SOHLH2: variants seen among roughly 807,000 people sequenced by gnomAD.
The protein encoded by SOHLH2 is spermatogenesis and oogenesis specific basic helix-loop-helix 2.
A neutral mutation model predicts 50.4 loss-of-function variants in SOHLH2; 22 were observed. The ratio of observed to expected loss-of-function variants is 0.44; its 90% CI spans 0.31 to 0.62. The LOEUF is 0.62. SOHLH2 is among the 20% of genes least tolerant of loss of function. The pLI is 0.08. For synonymous variants in SOHLH2, 185 were observed against 187.3 expected, an observed-to-expected ratio of 0.99 and a Z score of 0.10; for missense variants, 412 against 504.4, an observed-to-expected ratio of 0.82 and a Z score of 1.76.
chr13:36,191,680 G>C, intron 5 of SOHLH2, 115 bp downstream of exon 5: 1 of 1,194,438 alleles, frequency 8.4e-7, no homozygotes, highest in Non-Finnish European at 1.2e-6. Context: ...TGTACCCACA[G>C]TGCCAGCTCA....
chr13:36,170,428 T>C (rs1886930401), intron 10 of SOHLH2, 103 bp downstream of exon 10: 2 of 1,470,166 alleles, frequency 1.4e-6, no homozygotes, highest in East Asian at 4.9e-5. Flanking sequence ...AGCTCTTAGG[T>C]CCCAGCCTTC....
chr13:36,191,978 A>G lies in SOHLH2; in HGVS notation c.431-84T>C. ...ATCAAACACACAAGCCCCAATCCTT[A>G]ATGCAGTTGTCTTTTACTCAATAGA... On this transcript the variant is annotated intron_variant, in intron 4 of 10. Transcript: ENST00000379881. 3 of 1,400,258 alleles carry G rather than the reference A, an allele frequency of 2.1e-6. No individual in the cohort carries two copies. The Admixed American group carries it at 5.9e-5, about 27-fold the overall frequency. The allele number at this position is 1,400,258 out of a possible 1,614,324, so 86.7% of individuals were successfully genotyped here. A position where few individuals can be genotyped will look rare whatever the true frequency, so the allele number is the denominator to read the frequency against.
At chr13:36,177,748 T>A (rs952024871) in intron 6 of SOHLH2, among the ~76,000 whole-genome samples, 2 of 152,160 alleles carry the variant, frequency 1.3e-5, no homozygotes, top group Non-Finnish European at 2.9e-5. Context: ...TTTACCTACA[T>A]TTTAATTGAA....
chr13:36,210,222 C>T (rs1869030385), intron 1 of SOHLH2, among the ~76,000 whole-genome samples: 1 of 152,176 alleles, frequency 6.6e-6, no homozygotes, highest in South Asian at 2.1e-4. Context: ...AGGGGGCCAA[C>T]CTGGCCTGGG....
Position 36,169,732 on chromosome 13 carries a change from A to AT in SOHLH2, c.1258-679dup, listed in dbSNP as rs565510407. On this transcript the variant is annotated intron_variant, in intron 10 of 10. Transcript: ENST00000379881. ...AACAATGCAGGTATGACTGTTTCAT[A>AT]TGCTGACCCATCTGCCAGGACTGCT... Among the ~76,000 whole-genome samples the AT allele has an allele frequency of 7.9e-5, 12 of 152,304 alleles. No homozygotes were observed. The East Asian group carries it at 2.3e-3, about 29-fold the overall frequency.
intron 2 of SOHLH2, among the ~76,000 whole-genome samples, chr13:36,199,558 T>A (rs556052545): frequency 6.6e-6 from 1 of 152,360 alleles, no homozygotes; most frequent in Non-Finnish European, 1.5e-5. Flanking sequence ...ATTTGTTTTC[T>A]TTCAAACAAA....
At chr13:36,201,489 T>C (rs1868414483) in intron 2 of SOHLH2, among the ~76,000 whole-genome samples, 3 of 151,778 alleles carry the variant, frequency 2.0e-5, no homozygotes, top group African/African-American at 7.3e-5. Flanking sequence ...TTTTTTTTTT[T>C]AGAAATAGCA....
chr13:36,189,364 C>T (rs1887512206), intron 6 of SOHLH2, among the ~76,000 whole-genome samples: 1 of 152,104 alleles, frequency 6.6e-6, no homozygotes, highest in Non-Finnish European at 1.5e-5. Flanking sequence ...TACTTACTAC[C>T]TCTCATCTTT....
chr13:36,209,944 C>A (rs1869008419), intron 1 of SOHLH2, among the ~76,000 whole-genome samples: 1 of 152,216 alleles, frequency 6.6e-6, no homozygotes, highest in South Asian at 2.1e-4. Context: ...GGCTGGAGAG[C>A]AGAAAGGCTG....
chr13:36,202,190 A>G, intron 1 of SOHLH2, 97 bp from the exon 2 acceptor site: 1 of 1,439,588 alleles, frequency 6.9e-7, no homozygotes. Context: ...CTCACAAATA[A>G]CACAACAATT....
intron 10 of SOHLH2, 55 bp downstream of exon 10, chr13:36,170,476 T>G (rs755441428): frequency 3.1e-5 from 49 of 1,568,688 alleles, no homozygotes; most frequent in Non-Finnish European, 4.1e-5. Flanking sequence ...GTCAGGGGTT[T>G]CTGCTGGCTG....
Position 36,193,616 on chromosome 13 carries a change from C to T in SOHLH2, c.430+5G>A. On this transcript the variant is annotated splice_donor_5th_base_variant and intron_variant, in intron 4 of 10. Coordinates refer to ENST00000379881, the MANE Select transcript of SOHLH2 (RefSeq NM_017826.3). ...TTTTGAAACCTTTGGAAATTTTTTACTCACCAGTGTTTGAGGGACATGTTG... is the reference window on the plus strand; with the variant it reads ...TTTTGAAACCTTTGGAAATTTTTTATTCACCAGTGTTTGAGGGACATGTTG... The T allele has an allele frequency of 6.3e-7, 1 of 1,582,986 alleles. No individual in the cohort carries two copies. Among genetic ancestry groups the T allele is most frequent in the Non-Finnish European group, 8.5e-7 (1 of 1,171,578 alleles).
intron 2 of SOHLH2, among the ~76,000 whole-genome samples, chr13:36,198,950 A>G (rs909415326): frequency 6.6e-6 from 1 of 152,212 alleles, no homozygotes; most frequent in Non-Finnish European, 1.5e-5. Flanking sequence ...ACATTTTCCT[A>G]GACCTACATA....
At chr13:36,210,440 A>AT (rs377451409) in intron 1 of SOHLH2, among the ~76,000 whole-genome samples, 3,937 of 147,306 alleles carry the variant, frequency 0.027, 169 homozygotes, top group African/African-American at 0.092. Context: ...TTTACTGTGT[A>AT]TTTTTTTTTT....
At chr13:36,211,080 A>T (rs1869090588) in intron 1 of SOHLH2, among the ~76,000 whole-genome samples, 1 of 152,202 alleles carries the variant, frequency 6.6e-6, no homozygotes, top group African/African-American at 2.4e-5. Context: ...TCACAACAGG[A>T]GCAATTATAG....
intron 6 of SOHLH2, chr13:36,183,288 C>A: frequency 2.5e-5 from 5 of 199,104 alleles, no homozygotes; most frequent in East Asian, 2.4e-4. Context: ...TGGACTAACA[C>A]AATAACATAT....
chr13:36,189,763 T>C (rs1225812753), intron 6 of SOHLH2, among the ~76,000 whole-genome samples, 183 bp downstream of exon 6: 2 of 152,212 alleles, frequency 1.3e-5, no homozygotes, highest in African/African-American at 4.8e-5. Context: ...TTCTTTGGCA[T>C]GCACTGCAGA....
In SOHLH2 at chr13:36,170,711, C is replaced by T. The variant is rs997574174; in HGVS notation, c.1077G>A (p.Leu359=). The T allele has an allele frequency of 1.9e-6, 3 of 1,614,202 alleles. No individual in the cohort carries two copies. The highest frequency in any genetic ancestry group is 2.2e-5 in the South Asian group (2 of 91,080). The change falls in exon 10 of 11, where the codon CTG becomes CTA. Residue 359 remains leucine (L), a synonymous_variant. Coordinates refer to ENST00000379881, the MANE Select transcript of SOHLH2 (RefSeq NM_017826.3). ...AATATCTGACAGTATGCAAGGAATT[C>T]AGAGACAGCGCTGCACTGGAAATGT... is the stretch of plus-strand genomic sequence containing the variant. ...KTHISSAALS[L]NSLHTVRYYS...
At chr13:36,178,032 T>C (rs1289163714) in intron 6 of SOHLH2, among the ~76,000 whole-genome samples, 1 of 151,808 alleles carries the variant, frequency 6.6e-6, no homozygotes, top group Non-Finnish European at 1.5e-5. Context: ...AACTGTAATG[T>C]CCAATACAGT....
Sources: allele counts gnomAD v4.1 joint callset (sites outside exome capture counted in the v4.1 genomes callset), GRCh38; gene constraint gnomAD v4.1.1; transcripts MANE v1.5; gene names NCBI Gene and HGNC (gene_info 2026-07-23, HGNC 2026-07-21).